The following USH2A variants were observed in gnomAD, a reference collection of about 807,000 sequenced individuals.
The protein encoded by USH2A is usherin.
A neutral mutation model predicts 538.9 loss-of-function variants in USH2A; 443 were observed. The observed-to-expected ratio is 0.82, with a 90% CI of 0.76 to 0.89. The LOEUF is 0.89. Among genes scored for constraint, USH2A ranks in the 40% least tolerant of loss-of-function variants. The pLI is 0.00. For synonymous variants in USH2A, 2,413 were observed against 2,273.5 expected, an observed-to-expected ratio of 1.06 and a Z score of -1.75; for missense variants, 6,633 against 6,324.8, an observed-to-expected ratio of 1.05 and a Z score of -1.65.
At chr1:215,638,811 T>C (rs1047066181) in intron 69 of USH2A, among the ~76,000 whole-genome samples, 6 of 151,230 alleles carry the variant, frequency 4.0e-5, no homozygotes, top group South Asian at 4.2e-4. Flanking sequence ...ACCATGTCTC[T>C]ACTAAAAATA....
In USH2A at chr1:215,798,808, A is replaced by G. The variant is rs527644269; in HGVS notation, c.9958+99T>C. On this transcript the variant is annotated intron_variant, in intron 50 of 71. Transcript: ENST00000307340. ...TATTGCATTAGATATAACCAATGTG[A>G]GCTTTAATTACTTATTTGTTTTATT... 190 of 1,345,908 alleles carry G rather than the reference A, an allele frequency of 1.4e-4. 2 individuals are homozygous for G. The Middle Eastern group carries it at 5.2e-3, about 37-fold the overall frequency. The allele number at this position is 1,345,908 out of a possible 1,614,324, so 83.4% of individuals were successfully genotyped here.
intron 54 of USH2A, 149 bp from the exon 55 acceptor site, chr1:215,780,190 T>A: frequency 1.2e-6 from 1 of 867,944 alleles, no homozygotes. Flanking sequence ...TTTTTCATTT[T>A]TTTCCCTCCC....
At chr1:216,400,404 G>GAA (rs200147938) in intron 3 of USH2A, among the ~76,000 whole-genome samples, 5 of 141,188 alleles carry the variant, frequency 3.5e-5, no homozygotes, top group African/African-American at 1.0e-4. Flanking sequence ...AGATTAAAAG[G>GAA]AAAAAAAAAA....
intron 13 of USH2A, among the ~76,000 whole-genome samples, 185 bp from the exon 14 acceptor site, chr1:216,232,321 C>A (rs2035715346): frequency 6.6e-6 from 1 of 152,184 alleles, no homozygotes; most frequent in South Asian, 2.1e-4. Flanking sequence ...AAATTATCTA[C>A]ATTGGACTTG....
chr1:215,993,509 A>AACACACACACACACACACACACAC (rs66804361), intron 34 of USH2A, among the ~76,000 whole-genome samples: 15 of 146,454 alleles, frequency 1.0e-4, no homozygotes, highest in African/African-American at 3.3e-4. Flanking sequence ...GAGTGAATTA[A>AACACACACACACACACACACACAC]ACACACACAC....
intron 14 of USH2A, among the ~76,000 whole-genome samples, chr1:216,231,096 A>C (rs1572072509): frequency 6.7e-6 from 1 of 150,318 alleles, no homozygotes; most frequent in East Asian, 2.0e-4. Flanking sequence ...CATATCACAG[A>C]ATACAAAGCT....
chr1:215,680,842 T>C (rs1658204465), intron 61 of USH2A, among the ~76,000 whole-genome samples: 3 of 152,214 alleles, frequency 2.0e-5, no homozygotes, highest in Middle Eastern at 3.4e-3. Flanking sequence ...TACACAAGAC[T>C]CTCCATCTTC....
At chr1:215,950,652 C>T (rs1666890091) in intron 37 of USH2A, among the ~76,000 whole-genome samples, 2 of 151,806 alleles carry the variant, frequency 1.3e-5, no homozygotes, top group Admixed American at 6.6e-5. Flanking sequence ...ATTACAGGCT[C>T]CTACCACCAT....
chr1:216,239,676 T>A (rs1249657323), intron 13 of USH2A, among the ~76,000 whole-genome samples: 1 of 152,144 alleles, frequency 6.6e-6, no homozygotes, highest in Non-Finnish European at 1.5e-5. Context: ...TTGAACAGCA[T>A]CACTTTGGCT....
intron 49 of USH2A, among the ~76,000 whole-genome samples, chr1:215,803,179 C>T (rs897612261): frequency 6.6e-6 from 1 of 152,134 alleles, no homozygotes; most frequent in Non-Finnish European, 1.5e-5. Context: ...CAATATCATA[C>T]TGAATGGGCA....
chr1:215,894,795 C>T (rs776755993), intron 40 of USH2A, among the ~76,000 whole-genome samples: 4 of 152,166 alleles, frequency 2.6e-5, no homozygotes, highest in Admixed American at 1.3e-4. Flanking sequence ...GAGGCTGGAA[C>T]GACCGACAGG....
intron 38 of USH2A, among the ~76,000 whole-genome samples, chr1:215,915,449 G>A (rs1356161887): frequency 2.0e-5 from 3 of 151,978 alleles, no homozygotes; most frequent in African/African-American, 7.3e-5. Flanking sequence ...ATTTTGAGGA[G>A]GATTTTTTGG....
Position 216,409,843 on chromosome 1 carries a change from A to G in USH2A, c.651+8671T>C, listed in dbSNP as rs547685240. 6.6e-5 allele frequency among the ~76,000 whole-genome samples: 10 copies of G among 152,130 alleles called. No individual in the cohort carries two copies. The South Asian group carries it at 2.1e-3, about 32-fold the overall frequency. On this transcript the variant is annotated intron_variant, in intron 3 of 71. Coordinates refer to ENST00000307340, the MANE Select transcript of USH2A (RefSeq NM_206933.4). ...AACAGGCAAAGATTTCACGACAGAG[A>G]TGCCAAAAGCAATGACAAATGGGAT... is the stretch of plus-strand genomic sequence containing the variant.
chr1:216,003,568 G>A (rs1668323286), intron 32 of USH2A, among the ~76,000 whole-genome samples: 1 of 151,976 alleles, frequency 6.6e-6, no homozygotes, highest in South Asian at 2.1e-4. Flanking sequence ...CCAAGAGAGG[G>A]AACAAGCAGA....
chr1:216,071,524 T>C (rs2031557519), intron 29 of USH2A, among the ~76,000 whole-genome samples: 1 of 152,156 alleles, frequency 6.6e-6, no homozygotes, highest in Non-Finnish European at 1.5e-5. Flanking sequence ...GTGCAATTAT[T>C]CTCCAACCCT....
chr1:215,992,285 T>C (rs143989691), intron 35 of USH2A, among the ~76,000 whole-genome samples: 30 of 152,202 alleles, frequency 2.0e-4, no homozygotes, highest in African/African-American at 7.2e-4. Context: ...TAAGCTTCCA[T>C]CAGTGTGAAA....
chr1:216,093,587 T>C (rs923283822), intron 22 of USH2A, among the ~76,000 whole-genome samples: 3 of 152,186 alleles, frequency 2.0e-5, no homozygotes, highest in Non-Finnish European at 4.4e-5. Context: ...CCTCCTATCC[T>C]ACAGAGTCTT....
At chr1:215,754,719 T>G (rs543420080) in intron 58 of USH2A, among the ~76,000 whole-genome samples, 1 of 152,300 alleles carries the variant, frequency 6.6e-6, no homozygotes, top group South Asian at 2.1e-4. Context: ...TGAATTTATG[T>G]TGGGTGGCAT....
intron 21 of USH2A, 121 bp from the exon 22 acceptor site, chr1:216,097,334 A>C: frequency 6.5e-7 from 1 of 1,547,274 alleles, no homozygotes; most frequent in Non-Finnish European, 8.9e-7. Flanking sequence ...AATTATACAC[A>C]GCAATATACT....
Sources: allele counts gnomAD v4.1 joint callset (sites outside exome capture counted in the v4.1 genomes callset), GRCh38; gene constraint gnomAD v4.1.1; transcripts MANE v1.5; gene names NCBI Gene and HGNC (gene_info 2026-07-23, HGNC 2026-07-21).